NCR3LG1: variants seen among roughly 807,000 people sequenced by gnomAD.
NCR3LG1 encodes the protein natural killer cell cytotoxicity receptor 3 ligand 1.
In NCR3LG1, 35 loss-of-function variants were observed where a neutral mutation model predicts 34.8. The ratio of observed to expected loss-of-function variants is 1.01; its 90% CI spans 0.77 to 1.33. The LOEUF is 1.33. NCR3LG1 is among the 40% of genes most tolerant of loss of function. The pLI, the probability that NCR3LG1 is intolerant of heterozygous loss-of-function variation, is 0.00. For synonymous variants in NCR3LG1, 173 were observed against 163.6 expected, an observed-to-expected ratio of 1.06 and a Z score of -0.44; for missense variants, 452 against 423.3, an observed-to-expected ratio of 1.07 and a Z score of -0.60.
chr11:17,362,736 CTTTCTTTCTTTCTTT>C (rs1564856471), intron 2 of NCR3LG1, among the ~76,000 whole-genome samples: 1 of 105,592 alleles, frequency 9.5e-6, no homozygotes, highest in African/African-American at 5.6e-5. Context: ...TTCTTTCTTT[CTTTCTTTCTTTCTTT>C]CTTTCTTTCT....
rs201366398 is a variant in NCR3LG1, at chr11:17,372,443, T to G, written c.1296T>G (p.Pro432=). 2 of 700,654 alleles carry G rather than the reference T, an allele frequency of 2.9e-6. No individual in the cohort carries two copies. The highest frequency in any genetic ancestry group is 5.2e-6 in the Non-Finnish European group (2 of 383,982). The allele number at this position is 700,654 out of a possible 1,614,324, so 43.4% of individuals were successfully genotyped here. ...CTGTCTCCCCTATCTGGGAACCTCC[T>G]CCAGCCACAACATCAACAACTCCAG... ...ILPVSPIWEP[P]PATTSTTPVL... Residue 432 remains proline (P), a synonymous_variant, in exon 5 of 5, where the codon CCT becomes CCG. Transcript: ENST00000338965.
chr11:17,357,384 C>T (rs1020542595), intron 2 of NCR3LG1, among the ~76,000 whole-genome samples: 25 of 152,128 alleles, frequency 1.6e-4, no homozygotes, highest in Admixed American at 9.8e-4. Context: ...TGGATCAGAG[C>T]CCATCCTAAT....
chr11:17,368,777 C>T (rs979383752), intron 3 of NCR3LG1, 90 bp from the exon 4 acceptor site: 61 of 855,746 alleles, frequency 7.1e-5, no homozygotes, highest in Non-Finnish European at 1.0e-4. Flanking sequence ...AGGAGGATGA[C>T]ACAACCACAC....
intron 1 of NCR3LG1, 116 bp from the exon 2 acceptor site, chr11:17,356,535 C>A: frequency 4.1e-6 from 3 of 725,394 alleles, no homozygotes; most frequent in Non-Finnish European, 4.5e-6. Flanking sequence ...TACCATCACA[C>A]TGGGGGTCAG....
At chr11:17,381,604 A>G (rs1953513670), downstream of NCR3LG1, 1 of 152,618 alleles carries the variant, frequency 6.6e-6, no homozygotes, top group South Asian at 2.1e-4. Flanking sequence ...TAATAATGGC[A>G]TTATGAAAAA....
chr11:17,358,634 C>T (rs991209738), intron 2 of NCR3LG1, among the ~76,000 whole-genome samples: 1 of 152,192 alleles, frequency 6.6e-6, no homozygotes, highest in Non-Finnish European at 1.5e-5. Flanking sequence ...GTGCAGCCCA[C>T]ACTTAAGGTT....
intron 2 of NCR3LG1, 149 bp downstream of exon 2, chr11:17,357,150 A>C: frequency 1.6e-6 from 1 of 613,876 alleles, no homozygotes; most frequent in South Asian, 2.2e-5. Flanking sequence ...TAGTTTGCTA[A>C]GGCTGCCATA....
rs768243534 is a variant in NCR3LG1, at chr11:17,356,706, C to T, written c.126C>T (p.Asp42=). 2.0e-5 allele frequency: 30 copies of T among 1,536,234 alleles called. No individual in the cohort carries two copies. The highest frequency in any genetic ancestry group is 2.5e-5 in the Non-Finnish European group (29 of 1,146,948). ...GGACTCAGATCACACCCCTGAATGA[C>T]AATGTCACCATATTCTGCAATATCT... ...AGGTQITPLN[D]NVTIFCNIFY... Residue 42 remains aspartate, a synonymous_variant, in exon 2 of 5, where the codon GAC becomes GAT. Coordinates refer to ENST00000338965, the MANE Select transcript of NCR3LG1 (RefSeq NM_001202439.3).
downstream of NCR3LG1, among the ~76,000 whole-genome samples, chr11:17,380,308 A>G (rs1953507253): frequency 6.6e-6 from 1 of 151,926 alleles, no homozygotes; most frequent in South Asian, 2.1e-4. Flanking sequence ...CTTCCAGTAA[A>G]TTGGGGTGTC....
intron 4 of NCR3LG1, 127 bp from the exon 5 acceptor site, chr11:17,371,876 TCAC>T: frequency 3.3e-6 from 2 of 605,410 alleles, no homozygotes; most frequent in East Asian, 5.5e-5. Context: ...CCTATAATGG[TCAC>T]CAGGAACCTG....
chr11:17,371,159 G>GT (rs57238981), intron 4 of NCR3LG1, among the ~76,000 whole-genome samples: 6 of 151,838 alleles, frequency 4.0e-5, no homozygotes, highest in Non-Finnish European at 5.9e-5. Context: ...AGACAAACTA[G>GT]TTTTTTTTCT....
chr11:17,357,184 C>G (rs1391376432), intron 2 of NCR3LG1, among the ~76,000 whole-genome samples, 183 bp downstream of exon 2: 1 of 152,094 alleles, frequency 6.6e-6, no homozygotes. Context: ...GACTGGATGC[C>G]TTTAAACAAC....
In NCR3LG1 at chr11:17,356,654, A is replaced by G; in HGVS notation, c.74A>G (p.Asp25Gly). Residue 25 changes from aspartate to glycine, a missense_variant, in exon 2 of 5, where the codon GAT (aspartate) becomes GGT (glycine). Coordinates refer to ENST00000338965, the MANE Select transcript of NCR3LG1 (RefSeq NM_001202439.3). ...TTGTGTCCTCTTATTGCCACAGGTG[A>G]TCTGAAAGTAGAGATGATGGCAGGG... ...ILLWALTTEG[D>G]LKVEMMAGGT... 1.3e-6 allele frequency: 2 copies of G among 1,528,446 alleles called. No homozygotes were observed. The highest frequency in any genetic ancestry group is 1.8e-6 in the Non-Finnish European group (2 of 1,141,886). The allele number at this position is 1,528,446 out of a possible 1,614,324, so 94.7% of individuals were successfully genotyped here.
At position 17,352,059 on chromosome 11, in the gene NCR3LG1, G is replaced by A; in HGVS notation, c.70+20G>A. ...CCGAAGGTAGGGGGCGGCTGGGGTG[G>A]GCTGGGGCGGGGGCTCCTGGCGCCA... On this transcript the variant is annotated intron_variant, in intron 1 of 4. Coordinates refer to ENST00000338965, the MANE Select transcript of NCR3LG1 (RefSeq NM_001202439.3). 2 of 1,456,090 alleles carry A rather than the reference G, an allele frequency of 1.4e-6. No individual in the cohort carries two copies. Among genetic ancestry groups the A allele is most frequent in the East Asian group, 2.7e-5 (1 of 37,240 alleles). 90.2% of individuals were successfully genotyped at this position (1,456,090 alleles called of 1,614,324 possible). A position where few individuals can be genotyped will look rare whatever the true frequency, so the allele number is the denominator to read the frequency against.
Position 17,372,089 on chromosome 11 carries a change from G to T in NCR3LG1, c.942G>T (p.Lys314Asn), listed in dbSNP as rs1428735877. Residue 314 changes from lysine (K) to asparagine (N), a missense_variant, in exon 5 of 5, where the codon AAG (lysine) becomes AAT (asparagine). Physicochemically the swap from Lys to Asn is moderately conservative, Grantham distance 94. Coordinates refer to ENST00000338965, the MANE Select transcript of NCR3LG1 (RefSeq NM_001202439.3). ...ACTCCTTTGACACTCAGACTCTGAA[G>T]AAAGAGCACCTCATATTCTTTTGCA... Reference protein sequence around the residue: ...HWNSFDTQTLKKEHLIFFCTR... With the variant: ...HWNSFDTQTLNKEHLIFFCTR... 7.1e-6 allele frequency: 5 copies of T among 702,994 alleles called. No individual in the cohort carries two copies. The highest frequency in any genetic ancestry group is 1.3e-5 in the Non-Finnish European group (5 of 385,002). 43.5% of individuals were successfully genotyped at this position (702,994 alleles called of 1,614,324 possible). A position where few individuals can be genotyped will look rare whatever the true frequency, so the allele number is the denominator to read the frequency against.
rs1953354816 is a variant in NCR3LG1, at chr11:17,367,216, C to G, written c.629C>G (p.Thr210Ser). ...IKNMDGTFNVTSCLKLNSSQE... is the reference protein window; with the variant it reads ...IKNMDGTFNVSSCLKLNSSQE... Reference sequence around the variant, plus strand: ...AATATGGATGGCACATTTAATGTCACTAGCTGCTTGAAGCTGAACTCCTCT... The same window carrying G: ...AATATGGATGGCACATTTAATGTCAGTAGCTGCTTGAAGCTGAACTCCTCT... Residue 210 changes from threonine (T) to serine (S), a missense_variant, in exon 3 of 5, where the codon ACT becomes AGT. By Grantham distance (58) the Thr-to-Ser change is moderately conservative. Coordinates refer to ENST00000338965, the MANE Select transcript of NCR3LG1 (RefSeq NM_001202439.3). 6.5e-7 allele frequency: 1 copy of G among 1,536,490 alleles called. No homozygotes were observed. Among genetic ancestry groups the G allele is most frequent in the Middle Eastern group, 1.7e-4 (1 of 5,992 alleles).
At chr11:17,367,533 A>G (rs1405369693) in intron 3 of NCR3LG1, among the ~76,000 whole-genome samples, 186 bp downstream of exon 3, 2 of 152,136 alleles carry the variant, frequency 1.3e-5, no homozygotes, top group African/African-American at 2.4e-5. Flanking sequence ...CTAGGTCCCT[A>G]CACCTGGGCA....
Position 17,374,974 on chromosome 11 carries a change from C to G in NCR3LG1, c.*2462C>G, listed in dbSNP as rs1043259734. On this transcript the variant is annotated 3_prime_UTR_variant, in exon 5 of 5. Coordinates refer to ENST00000338965, the MANE Select transcript of NCR3LG1 (RefSeq NM_001202439.3). ...GCCCAGCTCAACAGCCAGTAGGTTA[C>G]TTAAGTAGAGAGCTTGACTTGGAGG... 1 of 152,198 alleles carries G rather than the reference C, an allele frequency of 6.6e-6. No homozygotes were observed. The highest frequency in any genetic ancestry group is 1.5e-5 in the Non-Finnish European group (1 of 68,038). The allele number at this position is 152,198 out of a possible 1,614,324, so 9.4% of individuals were successfully genotyped here.
intron 3 of NCR3LG1, among the ~76,000 whole-genome samples, 177 bp downstream of exon 3, chr11:17,367,524 T>G (rs193259448): frequency 6.6e-6 from 1 of 152,282 alleles, no homozygotes; most frequent in Admixed American, 6.5e-5. Flanking sequence ...CAGTCCAGCC[T>G]AGGTCCCTAC....
Sources: gnomAD v4.1 joint callset for allele counts (sites outside exome capture counted in the v4.1 genomes callset) on GRCh38, gnomAD v4.1.1 for gene constraint, MANE v1.5 for transcripts, NCBI Gene and HGNC (gene_info 2026-07-23, HGNC 2026-07-21) for gene names.